CUL9: variants seen among roughly 807,000 people sequenced by gnomAD.
CUL9 encodes cullin-9.
In CUL9, 79 loss-of-function variants were observed where a neutral mutation model predicts 272.6. The observed-to-expected ratio is 0.29, with a 90% CI of 0.24 to 0.35. The LOEUF is 0.35. Among genes scored for constraint, CUL9 ranks in the 10% least tolerant of loss-of-function variants. CUL9 has a pLI of 1.00. For synonymous variants in CUL9, 1,186 were observed against 1,286.5 expected (o/e 0.92, Z 1.67); for missense variants, 2,532 against 3,255.6 (o/e 0.78, Z 5.41).
intron 29 of CUL9, 92 bp from the exon 30 acceptor site, chr6:43,214,987 G>C (rs1272969578): frequency 1.4e-6 from 2 of 1,441,124 alleles, no homozygotes; most frequent in Non-Finnish European, 1.9e-6. Context: ...AAAAAAAAAG[G>C]GGGGGAAAAA....
Position 43,215,168 on chromosome 6 carries a change from C to T in CUL9, c.5778C>T (p.Val1926=), listed in dbSNP as rs76552409. The change falls in exon 30 of 41, where the codon GTC becomes GTT. Residue 1926 remains valine, a synonymous_variant. Coordinates refer to ENST00000252050, the MANE Select transcript of CUL9 (RefSeq NM_015089.4). ...AGGVACTSTD[V]LSCILHLLGQ... ...GTGTGGCCTGTACCAGTACAGATGT[C>T]CTCTCTTGCATCCTGCACCTCTTAG... 0.025 allele frequency: 40,444 copies of T among 1,614,188 alleles called. 716 individuals are homozygous for T. Among genetic ancestry groups the T allele is most frequent in the Non-Finnish European group, 0.03 (35,195 of 1,180,008 alleles).
Position 43,200,953 on chromosome 6 carries a change from G to T in CUL9, c.3647+119G>T, listed in dbSNP as rs1774472109. On this transcript the variant is annotated intron_variant, in intron 16 of 40. Transcript: ENST00000252050. This position sits in a 1 kb window ranked among gnomAD's most constrained non-coding sequence, Gnocchi z 4.0. ...TGAGGGACACACTCAAACCTATTTT[G>T]TGCAGTGAACACATAGACACATTGA... The T allele has an allele frequency of 2.3e-6, 3 of 1,310,914 alleles. No homozygotes were observed. Among genetic ancestry groups the T allele is most frequent in the East Asian group, 2.4e-5 (1 of 42,266 alleles). The allele number at this position is 1,310,914 out of a possible 1,614,324, so 81.2% of individuals were successfully genotyped here.
intron 7 of CUL9, 101 bp from the exon 8 acceptor site, chr6:43,188,422 T>A (rs10498754): frequency 0.077 from 88,245 of 1,150,094 alleles, 3,910 homozygotes; most frequent in Non-Finnish European, 0.091. Flanking sequence ...TAGCCGATAA[T>A]GTGTTTAAAT....
rs772309828 is a variant in CUL9, at chr6:43,187,903, C to T, written c.1772C>T (p.Thr591Ile). ...TCTACTTCACGAAATCACTCCTGTACCCCAGATCCAGAAGAGGAGTCCAAG... is the reference window on the plus strand; with the variant it reads ...TCTACTTCACGAAATCACTCCTGTATCCCAGATCCAGAAGAGGAGTCCAAG... ...SSSTSRNHSCTPDPEEESKSE... is the reference protein window; with the variant it reads ...SSSTSRNHSCIPDPEEESKSE... Residue 591 changes from threonine (T) to isoleucine (I), a missense_variant, in exon 7 of 41, where the codon ACC becomes ATC. Coordinates refer to ENST00000252050, the MANE Select transcript of CUL9 (RefSeq NM_015089.4). The T allele has an allele frequency of 1.7e-5, 28 of 1,613,956 alleles. No individual in the cohort carries two copies. Among genetic ancestry groups the T allele is most frequent in the Non-Finnish European group, 2.4e-5 (28 of 1,180,034 alleles).
rs758956765 is a variant in CUL9, at chr6:43,198,807, C to T, written c.3002C>T (p.Thr1001Ile). The T allele has an allele frequency of 3.7e-6, 6 of 1,613,726 alleles. No homozygotes were observed. The highest frequency in any genetic ancestry group is 5.1e-6 in the Non-Finnish European group (6 of 1,180,046). ...CAGCCTTTCCTCCTGTTGCTGCGGACTCTGGATGCTCCGGGGCCCAACAAG... is the reference window on the plus strand; with the variant it reads ...CAGCCTTTCCTCCTGTTGCTGCGGATTCTGGATGCTCCGGGGCCCAACAAG... ...ETQPFLLLLR[T>I]LDAPGPNKTL... Residue 1001 changes from threonine (T) to isoleucine (I), a missense_variant, in exon 12 of 41, where the codon ACT becomes ATT. Physicochemically the swap from Thr to Ile is moderately conservative, Grantham distance 89 (BLOSUM62 -1). This residue lies in a region of CUL9 where 2,218 missense variants were observed against 2,788.6 expected (regional missense o/e 0.80). Transcript: ENST00000252050.
In CUL9 at chr6:43,187,830, C is replaced by A. The variant is rs1434206475; in HGVS notation, c.1699C>A (p.Gln567Lys). ...CACTCTCAATGACCTGCTCAACTCC[C>A]AGATCTACACCAAGTATGGGCTGCT... ...GSTLNDLLNS[Q>K]IYTKYGLLSN... is the part of the protein sequence containing the mutation. The change falls in exon 7 of 41, where the codon CAG (glutamine) becomes AAG (lysine). Residue 567 changes from glutamine (Q) to lysine (K), a missense_variant. This residue lies in a region of CUL9 where 2,218 missense variants were observed against 2,788.6 expected (regional missense o/e 0.80). Coordinates refer to ENST00000252050, the MANE Select transcript of CUL9 (RefSeq NM_015089.4). The A allele has an allele frequency of 2.7e-6, 4 of 1,505,588 alleles. No homozygotes were observed. The highest frequency in any genetic ancestry group is 3.6e-6 in the Non-Finnish European group (4 of 1,126,202). 93.3% of individuals were successfully genotyped at this position (1,505,588 alleles called of 1,614,324 possible).
chr6:43,224,522 G>A lies in CUL9; in HGVS notation c.*77G>A, dbSNP rs1776643117. 3 of 1,370,718 alleles carry A rather than the reference G, an allele frequency of 2.2e-6. No individual in the cohort carries two copies. The highest frequency in any genetic ancestry group is 4.6e-5 in the Admixed American group (2 of 43,848). The allele number at this position is 1,370,718 out of a possible 1,614,324, so 84.9% of individuals were successfully genotyped here. The stretch of plus-strand genomic sequence containing the variant: ...GGGGCGGGAGCTGCCCCTGTCATAG[G>A]GAGGGGGATTCCCAGCGTCTGTAGT... On this transcript the variant is annotated 3_prime_UTR_variant, in exon 41 of 41. Transcript: ENST00000252050. This position sits in a 1 kb window ranked among gnomAD's most constrained non-coding sequence, Gnocchi z 4.2.
At chr6:43,210,018 C>A (rs1216831507) in intron 26 of CUL9, among the ~76,000 whole-genome samples, 3 of 151,874 alleles carry the variant, frequency 2.0e-5, no homozygotes, top group Admixed American at 6.6e-5. Flanking sequence ...TGCTCTGTTG[C>A]CCAGGCTGGT....
At position 43,199,338 on chromosome 6, in the gene CUL9, C is replaced by A; in HGVS notation, c.3123C>A (p.Leu1041=). 4 of 1,613,456 alleles carry A rather than the reference C, an allele frequency of 2.5e-6. No individual in the cohort carries two copies. Among genetic ancestry groups the A allele is most frequent in the Non-Finnish European group, 3.4e-6 (4 of 1,179,606 alleles). The change falls in exon 13 of 41, where the codon CTC becomes CTA. Residue 1041 remains leucine (L), a synonymous_variant. Coordinates refer to ENST00000252050, the MANE Select transcript of CUL9 (RefSeq NM_015089.4). This position sits in a 1 kb window ranked among gnomAD's most constrained non-coding sequence, Gnocchi z 4.4. ...LPWHEVLEPC[L]NCLSGPSSDS... The stretch of plus-strand genomic sequence containing the variant: ...GGCACGAGGTCTTGGAGCCCTGCCT[C>A]AACTGCCTGAGTGGCCCTAGCAGTG...
intron 9 of CUL9, among the ~76,000 whole-genome samples, chr6:43,194,096 G>A (rs932986371): frequency 1.3e-5 from 2 of 152,130 alleles, no homozygotes; most frequent in African/African-American, 4.8e-5. Flanking sequence ...AGAAGTGCTG[G>A]CTGGTAGGGT....
chr6:43,198,492 C>T (rs779943902), intron 11 of CUL9, 117 bp from the exon 12 acceptor site: 146 of 1,516,636 alleles, frequency 9.6e-5, no homozygotes, highest in Non-Finnish European at 1.2e-4. Flanking sequence ...AAACTATAGA[C>T]ATCCTCAATA....
intron 24 of CUL9, 58 bp from the exon 25 acceptor site, chr6:43,205,949 G>T (rs1775011461): frequency 6.7e-7 from 1 of 1,490,638 alleles, no homozygotes; most frequent in African/African-American, 1.4e-5. Flanking sequence ...TCTCGAGGGG[G>T]AGGCTGGGCC....
intron 26 of CUL9, among the ~76,000 whole-genome samples, chr6:43,209,224 C>T (rs1290328881): frequency 1.3e-5 from 2 of 150,982 alleles, no homozygotes; most frequent in Non-Finnish European, 2.9e-5. Flanking sequence ...CAGCTCACTG[C>T]AAGCTCTGCC....
Position 43,198,723 on chromosome 6 carries a change from G to A in CUL9, c.2918G>A (p.Arg973His), listed in dbSNP as rs201410259. The A allele has an allele frequency of 7.6e-5, 122 of 1,614,004 alleles. No individual in the cohort carries two copies. Among genetic ancestry groups the A allele is most frequent in the Admixed American group, 4.2e-4 (25 of 60,000 alleles). The change falls in exon 12 of 41, where the codon CGT becomes CAT. Residue 973 changes from arginine to histidine, a missense_variant. Physicochemically the swap from Arg to His is conservative, Grantham distance 29. Coordinates refer to ENST00000252050, the MANE Select transcript of CUL9 (RefSeq NM_015089.4). ...CTGGACTTGGAGCGTGTGCTGTGCC[G>A]TGAGGGCAGCCCCGGAGGTGCCGTG... Reference protein sequence around the residue: ...LLLDLERVLCREGSPGGAVRP... With the variant: ...LLLDLERVLCHEGSPGGAVRP...
chr6:43,194,449 G>A (rs1158592940), intron 9 of CUL9, among the ~76,000 whole-genome samples: 1 of 151,970 alleles, frequency 6.6e-6, no homozygotes, highest in Non-Finnish European at 1.5e-5. Context: ...CTCCCGAGTA[G>A]CTGGGATTAC....
At chr6:43,201,746 T>G (rs1774592897) in intron 16 of CUL9, among the ~76,000 whole-genome samples, 1 of 152,236 alleles carries the variant, frequency 6.6e-6, no homozygotes, top group Non-Finnish European at 1.5e-5. Flanking sequence ...CCCAAAGTGC[T>G]GGGATTACAG....
At chr6:43,190,024 T>G (rs1773298423) in intron 8 of CUL9, among the ~76,000 whole-genome samples, 1 of 152,164 alleles carries the variant, frequency 6.6e-6, no homozygotes, top group Admixed American at 6.6e-5. Flanking sequence ...CAACTTTTTT[T>G]TTTTTGCCCC....
In CUL9 at chr6:43,187,084, T is replaced by C. The variant is rs1164241584; in HGVS notation, c.1376T>C (p.Val459Ala). 3 of 1,613,844 alleles carry C rather than the reference T, an allele frequency of 1.9e-6. No individual in the cohort carries two copies. In the East Asian group the frequency reaches 6.7e-5, roughly 36 times the overall value. Residue 459 changes from valine (V) to alanine (A), a missense_variant, in exon 5 of 41, where the codon GTG becomes GCG. Val to Ala is a moderately conservative substitution (Grantham distance 64, BLOSUM62 0). Around this residue, in one of 3 missense-constraint regions of CUL9, gnomAD observed 2,218 missense variants for 2,788.6 expected, o/e 0.80. Transcript: ENST00000252050. ...GTGGAGAAGGGGGCAGGGGCTACTGTGTTGGGCACAGGTGAGCCTAAGAGG... is the reference window on the plus strand; with the variant it reads ...GTGGAGAAGGGGGCAGGGGCTACTGCGTTGGGCACAGGTGAGCCTAAGAGG... Reference protein sequence around the residue: ...AAVEKGAGATVLGTAFPSWDW... With the variant: ...AAVEKGAGATALGTAFPSWDW...
chr6:43,198,203 T>C, intron 11 of CUL9: 1 of 957,384 alleles, frequency 1.0e-6, no homozygotes, highest in Non-Finnish European at 1.2e-6. Context: ...ATCATGCCAC[T>C]GCACTCCAGC....
Sources: gnomAD v4.1 joint callset for allele counts (sites outside exome capture counted in the v4.1 genomes callset) on GRCh38, gnomAD v4.1.1 for gene constraint, gnomAD v4.1.1 regional missense constraint, Gnocchi (gnomAD v3.1) non-coding constraint, MANE v1.5 for transcripts, NCBI Gene and HGNC (gene_info 2026-07-23, HGNC 2026-07-21) for gene names.